The following S100PBP variants were observed in gnomAD, a reference collection of about 807,000 sequenced individuals.
S100PBP encodes the protein S100P binding protein, also known as S100P-binding protein.
A neutral mutation model predicts 39.9 loss-of-function variants in S100PBP; 15 were observed. The observed-to-expected ratio is 0.38, with a 90% confidence interval of 0.25 to 0.58. S100PBP has a LOEUF of 0.58. Ranked by LOEUF, S100PBP falls within the 20% of genes least tolerant of loss-of-function variation. The pLI is 0.70. For synonymous variants in S100PBP, 178 were observed against 180.3 expected (o/e 0.99, Z 0.10); for missense variants, 504 against 487.3 (o/e 1.03, Z -0.32).
intron 4 of S100PBP, 138 bp downstream of exon 4, chr1:32,828,219 C>T (rs1164282858): frequency 5.4e-6 from 3 of 554,584 alleles, no homozygotes; most frequent in African/African-American, 1.9e-5. Context: ...CTAGCACTAC[C>T]AACTATGTGA....
At chr1:32,833,222 C>T (rs1412411145) in intron 5 of S100PBP, among the ~76,000 whole-genome samples, 3 of 152,110 alleles carry the variant, frequency 2.0e-5, no homozygotes, top group Admixed American at 6.6e-5. Flanking sequence ...GCAGGTCATT[C>T]ATTGCTTAGA....
chr1:32,853,307 C>G (rs1024769245), intron 6 of S100PBP, 141 bp downstream of exon 6: 4 of 537,690 alleles, frequency 7.4e-6, no homozygotes, highest in East Asian at 3.3e-5. Context: ...AACCCCATAT[C>G]TACCAAAAAT....
intron 5 of S100PBP, chr1:32,836,435 GT>G: frequency 1.6e-6 from 1 of 644,248 alleles, no homozygotes; most frequent in Non-Finnish European, 1.9e-6. Flanking sequence ...CCTGGCTTGT[GT>G]TTTTGTTTTT....
chr1:32,844,849 G>T (rs1431695600), intron 5 of S100PBP, among the ~76,000 whole-genome samples: 1 of 150,858 alleles, frequency 6.6e-6, no homozygotes, highest in Admixed American at 6.6e-5. Flanking sequence ...CTTTTTTTGA[G>T]ATGGACTCTC....
At chr1:32,839,667 T>C (rs917335787) in intron 5 of S100PBP, among the ~76,000 whole-genome samples, 1 of 152,136 alleles carries the variant, frequency 6.6e-6, no homozygotes, top group African/African-American at 2.4e-5. Context: ...CACACCACCA[T>C]GCCTGGCTAA....
Position 32,853,091 on chromosome 1 carries a change from A to C in S100PBP, c.1037A>C (p.Glu346Ala), listed in dbSNP as rs1326659370. ...PEDTNQGISGELCALMDQVHH... is the reference protein window; with the variant it reads ...PEDTNQGISGALCALMDQVHH... ...CTCTGTATCACAGGTATCTCGGGGG[A>C]GCTTTGTGCCTTGATGGATCAAGTT... Residue 346 changes from glutamate (E) to alanine (A), a missense_variant, in exon 6 of 7, where the codon GAG becomes GCG. Transcript: ENST00000373475. 1 of 1,609,764 alleles carries C rather than the reference A, an allele frequency of 6.2e-7. No homozygotes were observed. Among genetic ancestry groups the C allele is most frequent in the Non-Finnish European group, 8.5e-7 (1 of 1,178,138 alleles).
intron 1 of S100PBP, chr1:32,818,861 C>T (rs1209029103): frequency 6.6e-6 from 1 of 152,184 alleles, no homozygotes; most frequent in Non-Finnish European, 1.5e-5. Flanking sequence ...ACATGTATTG[C>T]ATTTGGGAAA....
chr1:32,829,626 C>T (rs773530012), intron 4 of S100PBP, among the ~76,000 whole-genome samples: 8 of 152,088 alleles, frequency 5.3e-5, no homozygotes, highest in African/African-American at 1.9e-4. Flanking sequence ...CCATGTCCAG[C>T]TAATTTTTTA....
rs1640909153 is a variant in S100PBP at position 32,858,834 on chromosome 1, G to T, written c.*2796G>T. 6.6e-6 allele frequency: 1 copy of T among 152,066 alleles called. No individual in the cohort carries two copies. The highest frequency in any genetic ancestry group is 2.4e-5 in the African/African-American group (1 of 41,384). 9.4% of individuals were successfully genotyped at this position (152,066 alleles called of 1,614,324 possible). On this transcript the variant is annotated 3_prime_UTR_variant, in exon 7 of 7. Coordinates refer to ENST00000373475, the MANE Select transcript of S100PBP (RefSeq NM_022753.4). ...ATGTTTTTTCCCTTGTAGCAGTTGT[G>T]TTTAATGTCATTAAAAAGAAATAAA...
upstream of S100PBP, chr1:32,817,624 A>C (rs1638796886): frequency 3.1e-6 from 1 of 325,812 alleles, no homozygotes; most frequent in Non-Finnish European, 5.9e-6. Context: ...GGAGGGGGCG[A>C]TAAAATGGCG....
chr1:32,826,032 T>G (rs1639305381), intron 2 of S100PBP, 66 bp from the exon 3 acceptor site: 3 of 1,065,900 alleles, frequency 2.8e-6, no homozygotes, highest in Middle Eastern at 4.2e-4. Context: ...TACCCACATA[T>G]AGTGGACTGG....
intron 4 of S100PBP, among the ~76,000 whole-genome samples, chr1:32,829,508 G>C (rs1368066043): frequency 6.6e-6 from 1 of 152,088 alleles, no homozygotes; most frequent in Non-Finnish European, 1.5e-5. Flanking sequence ...TGTGGCCCAA[G>C]CTGGAATACA....
chr1:32,840,092 C>G (rs565354045), intron 5 of S100PBP, among the ~76,000 whole-genome samples: 49 of 152,286 alleles, frequency 3.2e-4, no homozygotes. Context: ...TCAAGCGATT[C>G]TCCTGTCTCA....
chr1:32,817,029 T>C (rs1397441935), upstream of S100PBP: 8 of 912,288 alleles, frequency 8.8e-6, no homozygotes, highest in African/African-American at 1.1e-4. Flanking sequence ...GGCTGCTTGA[T>C]TGACTGACCG....
chr1:32,827,019 CACAT>C (rs1639362740), intron 3 of S100PBP, 89 bp downstream of exon 3: 1 of 842,976 alleles, frequency 1.2e-6, no homozygotes, highest in African/African-American at 1.7e-5. Context: ...GCTATCTCCA[CACAT>C]ACACAACTTC....
chr1:32,845,636 T>G (rs1176172894), intron 5 of S100PBP, among the ~76,000 whole-genome samples: 2 of 152,002 alleles, frequency 1.3e-5, no homozygotes, highest in South Asian at 2.1e-4. Flanking sequence ...GGCTCCCCTT[T>G]AGGCACTGCT....
chr1:32,827,880 C>T (rs1403701885), intron 3 of S100PBP, 113 bp from the exon 4 acceptor site: 12 of 656,490 alleles, frequency 1.8e-5, no homozygotes, highest in South Asian at 8.5e-5. Context: ...GTAGTGTTCA[C>T]GAATAGGCTT....
At chr1:32,843,106 T>C (rs947138147) in intron 5 of S100PBP, 1 of 152,242 alleles carries the variant, frequency 6.6e-6, no homozygotes, top group Admixed American at 6.5e-5. Flanking sequence ...GATTTTTGTG[T>C]CTTGGTCTTA....
intron 5 of S100PBP, among the ~76,000 whole-genome samples, chr1:32,839,315 C>T (rs1161310448): frequency 6.6e-6 from 1 of 152,196 alleles, no homozygotes; most frequent in Non-Finnish European, 1.5e-5. Flanking sequence ...GTGTCAGAAT[C>T]TCCTTCCTTT....
Sources: gnomAD v4.1 joint callset for allele counts (sites outside exome capture counted in the v4.1 genomes callset) on GRCh38, gnomAD v4.1.1 for gene constraint, MANE v1.5 for transcripts, NCBI Gene and HGNC (gene_info 2026-07-23, HGNC 2026-07-21) for gene names.